NARS2: variants seen among roughly 807,000 people sequenced by gnomAD.
NARS2 encodes the protein asparaginyl-tRNA synthetase 2, mitochondrial, also known as asparaginyl-tRNA synthetase.
In NARS2, 60 loss-of-function variants were observed where a neutral mutation model predicts 62.9. The ratio of observed to expected loss-of-function variants is 0.95; its 90% CI spans 0.77 to 1.18. NARS2 has a LOEUF of 1.18. Ranked by LOEUF, NARS2 falls within the 50% of genes most tolerant of loss-of-function variation. The probability of loss-of-function intolerance (pLI) is 0.00; values close to 1 mark genes in which losing one functional copy is unlikely to be tolerated. For missense variants in NARS2, 619 were observed against 576.4 expected, an observed-to-expected ratio of 1.07 and a Z score of -0.76; for synonymous variants, 196 against 200.0, an observed-to-expected ratio of 0.98 and a Z score of 0.17.
chr11:78,551,216 G>A (rs10899552), intron 5 of NARS2, among the ~76,000 whole-genome samples: 94,148 of 152,074 alleles, frequency 0.62, 33,945 homozygotes, highest in Non-Finnish European at 0.81. Flanking sequence ...AGGCAGACAC[G>A]TTCTGAGAAA....
chr11:78,486,748 G>A (rs1368558833), intron 7 of NARS2, among the ~76,000 whole-genome samples: 1 of 151,986 alleles, frequency 6.6e-6, no homozygotes, highest in Non-Finnish European at 1.5e-5. Context: ...AAAATCTTAT[G>A]AATTCTCATG....
Position 78,574,578 on chromosome 11 carries a change from C to T in NARS2, c.-90G>A. The T allele has an allele frequency of 7.1e-7, 1 of 1,414,756 alleles. No individual in the cohort carries two copies. Among genetic ancestry groups the T allele is most frequent in the South Asian group, 1.4e-5 (1 of 72,044 alleles). The allele number at this position is 1,414,756 out of a possible 1,614,324, so 87.6% of individuals were successfully genotyped here. ...CGGCCCTCCTTTCTCAGCTGCTCCC[C>T]TTCCGCGGCCGCAGCTCTGCTCTAA... On this transcript the variant is annotated 5_prime_UTR_variant, in exon 1 of 14. Coordinates refer to ENST00000281038, the MANE Select transcript of NARS2 (RefSeq NM_024678.6).
intron 3 of NARS2, among the ~76,000 whole-genome samples, chr11:78,567,861 G>T (rs1856796892): frequency 1.3e-5 from 2 of 152,134 alleles, no homozygotes; most frequent in Admixed American, 1.3e-4. Flanking sequence ...CAAATGGCTA[G>T]AATATAAATT....
At chr11:78,452,678 G>T (rs1302245706) in intron 11 of NARS2, among the ~76,000 whole-genome samples, 1 of 152,104 alleles carries the variant, frequency 6.6e-6, no homozygotes, top group Non-Finnish European at 1.5e-5. Flanking sequence ...CAAAGTGGTG[G>T]GATGACAGGC....
chr11:78,516,931 G>T (rs961055279), intron 6 of NARS2, among the ~76,000 whole-genome samples: 6 of 152,146 alleles, frequency 3.9e-5, no homozygotes, highest in African/African-American at 1.4e-4. Flanking sequence ...AAGCAACATG[G>T]GCACACAGAA....
At position 78,470,050 on chromosome 11, in the gene NARS2, G is replaced by A. The variant is rs143653552; in HGVS notation, c.960-737C>T. 2.6e-3 allele frequency among the ~76,000 whole-genome samples: 403 copies of A among 152,238 alleles called. 1 individual carries two copies. The highest frequency in any genetic ancestry group is 9.2e-3 in the African/African-American group (383 of 41,536). ...TGAGAAACAGTTTGGCTTGTTCACA[G>A]AACAAAAAGGGCAGTCAGCGTGACT... On this transcript the variant is annotated intron_variant, in intron 9 of 13. Coordinates refer to ENST00000281038, the MANE Select transcript of NARS2 (RefSeq NM_024678.6).
At chr11:78,480,619 TAA>T (rs10623671) in intron 7 of NARS2, among the ~76,000 whole-genome samples, 3 of 124,814 alleles carry the variant, frequency 2.4e-5, no homozygotes, top group Admixed American at 8.4e-5. Context: ...TCTAATTAAG[TAA>T]AAAAAAAAAA....
At chr11:78,541,819 T>A (rs530360465) in intron 5 of NARS2, among the ~76,000 whole-genome samples, 2 of 152,352 alleles carry the variant, frequency 1.3e-5, no homozygotes, top group Admixed American at 1.3e-4. Context: ...GTATCTCAAA[T>A]GCAGTTGCTA....
intron 13 of NARS2, among the ~76,000 whole-genome samples, chr11:78,438,856 C>T (rs1213111108): frequency 6.6e-6 from 1 of 152,136 alleles, no homozygotes; most frequent in Admixed American, 6.5e-5. Context: ...TGTCTAAGGT[C>T]TCTTTTACCT....
chr11:78,469,460 GAATGA>G, intron 9 of NARS2, 147 bp from the exon 10 acceptor site: 1 of 618,222 alleles, frequency 1.6e-6, no homozygotes, highest in Non-Finnish European at 2.9e-6. Context: ...TCCTATGAAA[GAATGA>G]TCTGCCTGAA....
At chr11:78,448,369 T>C (rs1053432907) in intron 11 of NARS2, among the ~76,000 whole-genome samples, 6 of 150,416 alleles carry the variant, frequency 4.0e-5, no homozygotes, top group Admixed American at 6.7e-5. Context: ...CAGGCTGCAG[T>C]GCAGTGGCGC....
chr11:78,563,849 A>AT (rs1250561530), intron 4 of NARS2, among the ~76,000 whole-genome samples: 75 of 54,604 alleles, frequency 1.4e-3, no homozygotes, highest in African/African-American at 1.7e-3. Context: ...AAAAAAAAAA[A>AT]AAATATATAT....
chr11:78,562,383 C>A (rs1856587033), intron 4 of NARS2, among the ~76,000 whole-genome samples: 1 of 152,286 alleles, frequency 6.6e-6, no homozygotes, highest in African/African-American at 2.4e-5. Context: ...TAAGCCATGA[C>A]TGCACCACTG....
chr11:78,519,739 C>T (rs1258925084), intron 6 of NARS2, among the ~76,000 whole-genome samples: 2 of 148,720 alleles, frequency 1.3e-5, no homozygotes, highest in African/African-American at 5.0e-5. Context: ...TCACTCTTGT[C>T]GCCCATGCTG....
chr11:78,522,201 T>C (rs897050397), intron 6 of NARS2, among the ~76,000 whole-genome samples: 1 of 151,652 alleles, frequency 6.6e-6, no homozygotes, highest in Non-Finnish European at 1.5e-5. Context: ...CAAGTGATCC[T>C]TCCACCTCAG....
chr11:78,438,889 A>T (rs1014548487), intron 13 of NARS2, among the ~76,000 whole-genome samples: 1 of 152,198 alleles, frequency 6.6e-6, no homozygotes, highest in Non-Finnish European at 1.5e-5. Context: ...TATAGAAGGA[A>T]GCAAATTCAA....
chr11:78,568,978 A>T (rs759890924), intron 2 of NARS2, among the ~76,000 whole-genome samples: 1 of 152,212 alleles, frequency 6.6e-6, no homozygotes, highest in Non-Finnish European at 1.5e-5. Context: ...GAATTTGTAT[A>T]ATTAATTCAG....
At chr11:78,532,669 G>C (rs1224121867) in intron 5 of NARS2, among the ~76,000 whole-genome samples, 1 of 152,140 alleles carries the variant, frequency 6.6e-6, no homozygotes. Context: ...AAAACGTTGT[G>C]AAAGATTAAA....
At chr11:78,549,751 C>T (rs559632816) in intron 5 of NARS2, among the ~76,000 whole-genome samples, 121 of 152,218 alleles carry the variant, frequency 7.9e-4, no homozygotes, top group African/African-American at 2.9e-3. Flanking sequence ...GGGGAAAAGA[C>T]AGCCAAAGAA....
Sources: allele counts gnomAD v4.1 joint callset (sites outside exome capture counted in the v4.1 genomes callset), GRCh38; gene constraint gnomAD v4.1.1; transcripts MANE v1.5; gene names NCBI Gene and HGNC (gene_info 2026-07-23, HGNC 2026-07-21).